Variants in KHDRBS2 observed in about 807,000 individuals in gnomAD.
The protein encoded by KHDRBS2 is KH RNA binding domain containing, signal transduction associated 2, also known as KH domain-containing, RNA-binding, signal transduction-associated protein 2.
Under a neutral mutation model 44.3 loss-of-function variants are expected in KHDRBS2, and 26 were observed. The observed-to-expected ratio is 0.59, with a 90% CI of 0.43 to 0.81. The LOEUF is 0.81. KHDRBS2 is among the 40% of genes least tolerant of loss of function. The pLI is 0.00. For synonymous variants in KHDRBS2, 194 were observed against 151.1 expected (o/e 1.28, Z -2.08); for missense variants, 476 against 433.1 (o/e 1.10, Z -0.88).
chr6:61,665,073 T>C, the KHDRBS2 span, among the ~76,000 whole-genome samples: 1 of 151,584 alleles, frequency 6.6e-6, no homozygotes, highest in African/African-American at 2.4e-5. Context: ...TTTTTGATGT[T>C]ACATAAAAAT....
intron 2 of KHDRBS2, among the ~76,000 whole-genome samples, chr6:62,054,128 A>T (rs903386283): frequency 2.0e-5 from 3 of 152,106 alleles, no homozygotes; most frequent in Non-Finnish European, 4.4e-5. Context: ...TATCCAATGT[A>T]ATTCTAATTA....
At chr6:61,585,231 C>T in the KHDRBS2 span, among the ~76,000 whole-genome samples, 6 of 151,808 alleles carry the variant, frequency 4.0e-5, no homozygotes, top group East Asian at 1.9e-4. Flanking sequence ...TTCAGTAAAA[C>T]TAGAGAAACC....
intron 2 of KHDRBS2, among the ~76,000 whole-genome samples, chr6:62,061,204 G>C (rs1464372216): frequency 6.6e-6 from 1 of 151,300 alleles, no homozygotes; most frequent in Non-Finnish European, 1.5e-5. Context: ...GTGTGAATTT[G>C]ATCCTGTCAT....
chr6:61,717,436 G>T (rs911010654), intron 7 of KHDRBS2, among the ~76,000 whole-genome samples: 1 of 152,066 alleles, frequency 6.6e-6, no homozygotes, highest in East Asian at 1.9e-4. Flanking sequence ...TACTGTTTAT[G>T]CATGCAGAGG....
chr6:61,559,104 G>A, the KHDRBS2 span, among the ~76,000 whole-genome samples: 2 of 151,888 alleles, frequency 1.3e-5, no homozygotes, highest in East Asian at 3.9e-4. Context: ...CTGCAGTGTT[G>A]GATGCATATA....
chr6:62,198,511 A>C (rs1009031306), intron 1 of KHDRBS2, among the ~76,000 whole-genome samples: 6 of 152,196 alleles, frequency 3.9e-5, no homozygotes, highest in Non-Finnish European at 8.8e-5. Context: ...TCCTCGACAC[A>C]TACACCCTCC....
At chr6:62,282,246 AAG>A (rs1366876007) in intron 1 of KHDRBS2, among the ~76,000 whole-genome samples, 4 of 152,184 alleles carry the variant, frequency 2.6e-5, no homozygotes, top group Non-Finnish European at 5.9e-5. Flanking sequence ...TAATATTTTT[AAG>A]ATCTCATTTA....
chr6:62,247,635 TTCTCTAAGCATCACA>T (rs1563131749), intron 1 of KHDRBS2, among the ~76,000 whole-genome samples: 1 of 152,046 alleles, frequency 6.6e-6, no homozygotes, highest in Non-Finnish European at 1.5e-5. Flanking sequence ...TTGTCTTAGG[TTCTCTAAGCATCACA>T]TCTTTCATTT....
At chr6:61,667,219 G>T in the KHDRBS2 span, among the ~76,000 whole-genome samples, 1 of 149,556 alleles carries the variant, frequency 6.7e-6, no homozygotes, top group African/African-American at 2.4e-5. Flanking sequence ...TTATCTAGTG[G>T]TAGAATAACA....
rs1562511570 is a variant in KHDRBS2, at chr6:61,954,659, C to CACATGCATACTTATGTATACATAT, written c.483+23406_483+23407insATATGTATACATAAGTATGCATGT. ...ACACATACATACTTATGTATACATA[C>CACATGCATACTTATGTATACATAT]ATATGTGTATATACACATACATACT... On this transcript the variant is annotated intron_variant, in intron 4 of 8. Transcript: ENST00000281156. 1.3e-3 allele frequency among the ~76,000 whole-genome samples: 143 copies of CACATGCATACTTATGTATACATAT among 111,606 alleles called. 15 individuals carry two copies. Among genetic ancestry groups the CACATGCATACTTATGTATACATAT allele is most frequent in the African/African-American group, 4.7e-3 (141 of 29,880 alleles). The allele number at this position is 111,606 out of a possible 152,430, so 73.2% of individuals were successfully genotyped here.
chr6:61,942,688 T>C (rs1418639912), intron 4 of KHDRBS2, among the ~76,000 whole-genome samples: 1 of 152,036 alleles, frequency 6.6e-6, no homozygotes, highest in African/African-American at 2.4e-5. Context: ...CATTTCCAAG[T>C]CTAGCGAGAA....
intron 7 of KHDRBS2, among the ~76,000 whole-genome samples, chr6:61,729,488 T>G (rs1408233136): frequency 6.6e-6 from 1 of 152,156 alleles, no homozygotes; most frequent in African/African-American, 2.4e-5. Flanking sequence ...ATATGGTAAA[T>G]GTAGGTCAAC....
intron 6 of KHDRBS2, among the ~76,000 whole-genome samples, chr6:61,821,444 G>C (rs1399096414): frequency 6.6e-6 from 1 of 152,016 alleles, no homozygotes; most frequent in African/African-American, 2.4e-5. Flanking sequence ...GGATATGAGT[G>C]AGGACTCAGC....
chr6:61,607,995 T>G, the KHDRBS2 span, among the ~76,000 whole-genome samples: 2 of 152,134 alleles, frequency 1.3e-5, no homozygotes, highest in South Asian at 2.1e-4. Flanking sequence ...GCCTAGAAAT[T>G]TCTTTAATGT....
intron 6 of KHDRBS2, among the ~76,000 whole-genome samples, chr6:61,812,201 C>T (rs1788225971): frequency 6.6e-6 from 1 of 151,950 alleles, no homozygotes; most frequent in Non-Finnish European, 1.5e-5. Context: ...CTACTTCCAA[C>T]CATCGAGACA....
At chr6:61,574,702 T>A in the KHDRBS2 span, among the ~76,000 whole-genome samples, 13 of 152,054 alleles carry the variant, frequency 8.5e-5, no homozygotes, top group South Asian at 2.1e-4. Context: ...ATCAGGAGTT[T>A]GGGACCAGCC....
the KHDRBS2 span, among the ~76,000 whole-genome samples, chr6:61,597,610 AC>A: frequency 2.7e-5 from 4 of 150,796 alleles, no homozygotes; most frequent in African/African-American, 9.7e-5. Context: ...ATTAAAGGAA[AC>A]TGGATGGGAA....
Position 62,073,530 on chromosome 6 carries a change from CTTTTTT to C in KHDRBS2, c.220-25542_220-25537del, listed in dbSNP as rs60124030. Among the ~76,000 whole-genome samples the C allele has an allele frequency of 3.0e-3, 369 of 124,430 alleles. 3 individuals carry two copies. The highest frequency in any genetic ancestry group is 8.9e-3 in the African/African-American group (295 of 33,114). 81.6% of individuals were successfully genotyped at this position (124,430 alleles called of 152,430 possible). On this transcript the variant is annotated intron_variant, in intron 2 of 8. Transcript: ENST00000281156. The stretch of plus-strand genomic sequence containing the variant: ...TGGTTTGGTGATTTTTTTCTTTTTT[CTTTTTT>C]TTTTTTTTTGTTTTATTTTCTATTT...
At chr6:61,893,989 A>T (rs1464303227) in intron 6 of KHDRBS2, among the ~76,000 whole-genome samples, 1 of 152,184 alleles carries the variant, frequency 6.6e-6, no homozygotes, top group African/African-American at 2.4e-5. Flanking sequence ...TAGTCGGAGA[A>T]ATGGACACAA....
Sources: allele counts gnomAD v4.1 joint callset (sites outside exome capture counted in the v4.1 genomes callset), GRCh38; gene constraint gnomAD v4.1.1; transcripts MANE v1.5; gene names NCBI Gene and HGNC (gene_info 2026-07-23, HGNC 2026-07-21).